The following ATAD2B variants were observed in gnomAD, a reference collection of about 807,000 sequenced individuals.
ATAD2B encodes ATPase family AAA domain containing 2B.
ATAD2B carries 40 observed loss-of-function variants against 167.6 expected under a neutral mutation model. The ratio of observed to expected loss-of-function variants is 0.24; its 90% CI spans 0.19 to 0.31. ATAD2B has a LOEUF of 0.31. Ranked by LOEUF, ATAD2B falls within the 10% of genes least tolerant of loss-of-function variation. ATAD2B has a pLI of 1.00. For synonymous variants in ATAD2B, 579 were observed against 596.5 expected (o/e 0.97, Z 0.43); for missense variants, 1,242 against 1,757.2 (o/e 0.71, Z 5.24).
intron 1 of ATAD2B, among the ~76,000 whole-genome samples, chr2:23,901,789 A>G (rs537771851): frequency 2.0e-5 from 3 of 152,292 alleles, no homozygotes; most frequent in African/African-American, 4.8e-5. Flanking sequence ...ACATTTCACA[A>G]ACTTATTTGA....
At chr2:23,721,108 G>C in the ATAD2B span, among the ~76,000 whole-genome samples, 1 of 152,192 alleles carries the variant, frequency 6.6e-6, no homozygotes, top group Non-Finnish European at 1.5e-5. Context: ...CCTGCCCAGG[G>C]TGAAACTGCT....
In ATAD2B at chr2:23,819,867, A is replaced by G; in HGVS notation, c.2147T>C (p.Ile716Thr). The change falls in exon 17 of 28, where the codon ATT (isoleucine) becomes ACT (threonine). Residue 716 changes from isoleucine (I) to threonine (T), a missense_variant. This residue lies in a region of ATAD2B where 145 missense variants were observed against 181.9 expected (regional missense o/e 0.80). Transcript: ENST00000238789. ...ATTTTCATCTTCACTATCCTCTAAAATTAAAGTTTCTATATCTGTTTAAAA... is the reference window on the plus strand; with the variant it reads ...ATTTTCATCTTCACTATCCTCTAAAGTTAAAGTTTCTATATCTGTTTAAAA... Reference protein sequence around the residue: ...SDKKEDIETLILEDSEDENAL... With the variant: ...SDKKEDIETLTLEDSEDENAL... 1 of 1,582,448 alleles carries G rather than the reference A, an allele frequency of 6.3e-7. No individual in the cohort carries two copies. Among genetic ancestry groups the G allele is most frequent in the Non-Finnish European group, 8.7e-7 (1 of 1,153,756 alleles).
chr2:23,746,417 A>ATTCT (rs1674884768), downstream of ATAD2B, among the ~76,000 whole-genome samples: 1 of 152,226 alleles, frequency 6.6e-6, no homozygotes, highest in Non-Finnish European at 1.5e-5. Context: ...CACTCAGAAT[A>ATTCT]GTCTCCAGCA....
intron 2 of ATAD2B, among the ~76,000 whole-genome samples, chr2:23,895,377 CA>C (rs1700035257): frequency 6.6e-6 from 1 of 151,862 alleles, no homozygotes; most frequent in East Asian, 1.9e-4. Context: ...GAACCAGACA[CA>C]AAGCAAATTT....
intron 19 of ATAD2B, among the ~76,000 whole-genome samples, chr2:23,791,403 T>C (rs1245118071): frequency 6.6e-6 from 1 of 152,218 alleles, no homozygotes; most frequent in Non-Finnish European, 1.5e-5. Flanking sequence ...CTCCAGTTTC[T>C]ATATCCTTGC....
the ATAD2B span, among the ~76,000 whole-genome samples, chr2:23,738,255 A>C: frequency 6.6e-6 from 1 of 152,244 alleles, no homozygotes; most frequent in Non-Finnish European, 1.5e-5. Context: ...TGTCAGATTC[A>C]CCAAAGTTGA....
At chr2:23,907,410 A>T (rs1701655764) in intron 1 of ATAD2B, among the ~76,000 whole-genome samples, 1 of 152,092 alleles carries the variant, frequency 6.6e-6, no homozygotes, top group Non-Finnish European at 1.5e-5. Context: ...CCAACTTACG[A>T]GGGATGTGAA....
At chr2:23,745,379 A>AGGAAGGAAGGAAGGAG (rs2149278083), downstream of ATAD2B, among the ~76,000 whole-genome samples, 1 of 84,052 alleles carries the variant, frequency 1.2e-5, no homozygotes, top group East Asian at 2.9e-4. Context: ...GAAGGAAGGA[A>AGGAAGGAAGGAAGGAG]GGAAGGAAGG....
At chr2:23,771,722 A>G (rs1678352826) in intron 22 of ATAD2B, among the ~76,000 whole-genome samples, 1 of 151,946 alleles carries the variant, frequency 6.6e-6, no homozygotes, top group African/African-American at 2.4e-5. Flanking sequence ...TTGGTTTATT[A>G]GCTCTAACTC....
rs1680766686 is a variant in ATAD2B, at chr2:23,786,099, G to A, written c.2901C>T (p.Leu967=). The change falls in exon 21 of 28, where the codon CTC becomes CTT. Residue 967 remains leucine, a synonymous_variant. Coordinates refer to ENST00000238789, the MANE Select transcript of ATAD2B (RefSeq NM_017552.4). ...TGGCCAGCCTCTTGGTTACATCCCT[G>A]AGAAACAACCGCAACTCTCTTAAAG... is the stretch of plus-strand genomic sequence containing the variant. ...ENTLRELRLF[L]RDVTKRLATD... 3 of 1,611,882 alleles carry A rather than the reference G, an allele frequency of 1.9e-6. No homozygotes were observed. Among genetic ancestry groups the A allele is most frequent in the Admixed American group, 1.7e-5 (1 of 59,680 alleles).
chr2:23,832,152 T>C (rs1204722614), intron 14 of ATAD2B: 1 of 455,190 alleles, frequency 2.2e-6, no homozygotes, highest in East Asian at 7.2e-5. Context: ...TCCTCATTGA[T>C]ACATTTTCTT....
chr2:23,819,852 TC>T lies in ATAD2B; in HGVS notation c.2161del (p.Glu721LysfsTer71). On this transcript the variant is annotated frameshift_variant, in exon 17 of 28. Transcript: ENST00000238789. LOFTEE classifies it high-confidence loss of function. ...DIETLILEDS[E>X]DENALSIFET... Reference sequence around the variant, plus strand: ...AAAAATTGATAAAGCATTTTCATCTTCACTATCCTCTAAAATTAAAGTTTCT... The same window carrying T: ...AAAAATTGATAAAGCATTTTCATCTTACTATCCTCTAAAATTAAAGTTTCT... 6.3e-7 allele frequency: 1 copy of T among 1,585,684 alleles called. No homozygotes were observed. The highest frequency in any genetic ancestry group is 8.7e-7 in the Non-Finnish European group (1 of 1,155,548).
chr2:23,700,411 G>A, the ATAD2B span, among the ~76,000 whole-genome samples: 1 of 152,034 alleles, frequency 6.6e-6, no homozygotes, highest in Non-Finnish European at 1.5e-5. The surrounding 1 kb of genome is among the most constrained non-coding windows in gnomAD (Gnocchi z 4.6). Context: ...CTACTCTCTT[G>A]GGCCTTGAGG....
At chr2:23,842,492 A>T (rs1210465835) in intron 13 of ATAD2B, among the ~76,000 whole-genome samples, 2 of 152,142 alleles carry the variant, frequency 1.3e-5, no homozygotes, top group African/African-American at 2.4e-5. Context: ...CAGAGAATGG[A>T]AACACGGTGG....
chr2:23,777,715 G>A (rs1679381626), intron 22 of ATAD2B, among the ~76,000 whole-genome samples: 2 of 152,124 alleles, frequency 1.3e-5, no homozygotes, highest in African/African-American at 2.4e-5. Flanking sequence ...AGGCCTGGGG[G>A]ATATAGGAGG....
chr2:23,728,353 A>G, the ATAD2B span, among the ~76,000 whole-genome samples: 2 of 152,206 alleles, frequency 1.3e-5, no homozygotes, highest in Non-Finnish European at 2.9e-5. Context: ...TTAGCAAAAG[A>G]AACACCAGGT....
intron 2 of ATAD2B, among the ~76,000 whole-genome samples, chr2:23,894,949 G>T (rs1573313494): frequency 6.6e-6 from 1 of 152,216 alleles, no homozygotes; most frequent in Middle Eastern, 3.4e-3. Flanking sequence ...TACGCAGCCT[G>T]TCAAAGTCTA....
At chr2:23,889,402 A>C (rs1262123680) in intron 2 of ATAD2B, among the ~76,000 whole-genome samples, 2 of 151,958 alleles carry the variant, frequency 1.3e-5, no homozygotes, top group Non-Finnish European at 2.9e-5. Flanking sequence ...CCCTGACCTC[A>C]GGTGATCTGC....
At chr2:23,678,198 C>G in the ATAD2B span, among the ~76,000 whole-genome samples, 1 of 152,226 alleles carries the variant, frequency 6.6e-6, no homozygotes, top group African/African-American at 2.4e-5. Context: ...TGGCTTCACT[C>G]TCCTCTAGGC....
Sources: allele counts gnomAD v4.1 joint callset (sites outside exome capture counted in the v4.1 genomes callset), GRCh38; gene constraint gnomAD v4.1.1; regional missense constraint gnomAD v4.1.1; non-coding constraint Gnocchi (gnomAD v3.1); transcripts MANE v1.5; gene names NCBI Gene and HGNC (gene_info 2026-07-23, HGNC 2026-07-21).